Variants in PTPRG observed in about 807,000 individuals in gnomAD.
PTPRG encodes the protein receptor-type tyrosine-protein phosphatase gamma.
A neutral mutation model predicts 165.3 loss-of-function variants in PTPRG; 102 were observed. The observed-to-expected ratio is 0.62, with a 90% confidence interval of 0.53 to 0.73. The LOEUF (loss-of-function observed/expected upper bound fraction) is 0.73. PTPRG is among the 30% of genes least tolerant of loss of function. The pLI is 0.00. For missense variants in PTPRG, 1,866 were observed against 1,861.4 expected (o/e 1.00, Z -0.05); for synonymous variants, 675 against 669.5 (o/e 1.01, Z -0.13).
chr3:61,754,825 G>T (rs751315084), intron 2 of PTPRG, among the ~76,000 whole-genome samples: 32 of 152,140 alleles, frequency 2.1e-4, no homozygotes, highest in Non-Finnish European at 4.3e-4. Flanking sequence ...CGTGCCTGCA[G>T]AATTCAGCTT....
At chr3:61,797,779 T>G (rs1038992091) in intron 2 of PTPRG, among the ~76,000 whole-genome samples, 1 of 152,024 alleles carries the variant, frequency 6.6e-6, no homozygotes, top group African/African-American at 2.4e-5. Flanking sequence ...GAGTGTGGTG[T>G]GGAGAAGGAG....
chr3:61,917,789 C>T (rs1301885502), intron 2 of PTPRG, among the ~76,000 whole-genome samples: 3 of 152,002 alleles, frequency 2.0e-5, no homozygotes, highest in Non-Finnish European at 4.4e-5. Flanking sequence ...AAACATTATC[C>T]GGGTGTGGTG....
At chr3:61,702,103 G>T (rs966254478) in intron 1 of PTPRG, among the ~76,000 whole-genome samples, 2 of 152,040 alleles carry the variant, frequency 1.3e-5, no homozygotes, top group Non-Finnish European at 2.9e-5. Flanking sequence ...CTCAGCCTCT[G>T]GGGTAGCTAG....
chr3:61,990,848 ACTTAGCT>A (rs1490427424), intron 3 of PTPRG, among the ~76,000 whole-genome samples: 5 of 150,000 alleles, frequency 3.3e-5, no homozygotes, highest in African/African-American at 1.2e-4. Context: ...GGCTAAAATG[ACTTAGCT>A]CCTAGCCCTT....
chr3:61,619,029 C>A (rs915641381), intron 1 of PTPRG, among the ~76,000 whole-genome samples: 1 of 149,566 alleles, frequency 6.7e-6, no homozygotes, highest in Non-Finnish European at 1.5e-5. Context: ...TGTTGGTGCG[C>A]ATCTGTGGTC....
intron 2 of PTPRG, among the ~76,000 whole-genome samples, chr3:61,796,252 G>T (rs2035040827): frequency 6.6e-6 from 1 of 152,222 alleles, no homozygotes; most frequent in South Asian, 2.1e-4. Context: ...TCCACACGCA[G>T]ATAACTCGTT....
chr3:61,937,136 G>T (rs867160040), intron 2 of PTPRG, among the ~76,000 whole-genome samples: 9 of 152,184 alleles, frequency 5.9e-5, no homozygotes, highest in African/African-American at 1.9e-4. Context: ...AATCACTGGG[G>T]ATATTCAGTT....
At chr3:62,103,110 A>G (rs1702347253) in intron 5 of PTPRG, among the ~76,000 whole-genome samples, 1 of 150,624 alleles carries the variant, frequency 6.6e-6, no homozygotes. Context: ...TAAAATAGAC[A>G]TTTTTTCCTA....
intron 8 of PTPRG, among the ~76,000 whole-genome samples, chr3:62,183,948 G>A (rs186176629): frequency 1.8e-4 from 27 of 152,294 alleles, no homozygotes; most frequent in East Asian, 7.7e-4. Flanking sequence ...AAACAGTTAC[G>A]GGACGTGTAT....
chr3:62,208,310 CA>C (rs1428319979), intron 12 of PTPRG, among the ~76,000 whole-genome samples: 1 of 152,158 alleles, frequency 6.6e-6, no homozygotes, highest in Non-Finnish European at 1.5e-5. Flanking sequence ...CCAACTGATG[CA>C]ATGAAATGTT....
At chr3:61,682,953 T>C (rs905397836) in intron 1 of PTPRG, among the ~76,000 whole-genome samples, 1 of 152,216 alleles carries the variant, frequency 6.6e-6, no homozygotes, top group Non-Finnish European at 1.5e-5. Context: ...ATTAGCTAAA[T>C]TGTCCTTAAG....
intron 1 of PTPRG, among the ~76,000 whole-genome samples, chr3:61,692,697 C>T (rs1050166736): frequency 6.6e-6 from 1 of 151,992 alleles, no homozygotes; most frequent in Admixed American, 6.6e-5. Context: ...GCTTTTGAGC[C>T]AGGATGAGCC....
At position 62,277,526 on chromosome 3, in the gene PTPRG, ATTTTT is replaced by A; in HGVS notation, c.3637-21_3637-17del. 1.9e-6 allele frequency: 3 copies of A among 1,603,708 alleles called. 1 individual carries two copies. The South Asian group carries it at 3.3e-5, about 18-fold the overall frequency. ...TAGAATAAAACACTCATATTCACTG[ATTTTT>A]TTTGTCTTCCCAACTGAAGGGCTAT... On this transcript the variant is annotated intron_variant, in intron 25 of 29. Transcript: ENST00000474889.
At chr3:62,205,251 A>C (rs1163920250) in intron 12 of PTPRG, among the ~76,000 whole-genome samples, 1 of 152,112 alleles carries the variant, frequency 6.6e-6, no homozygotes, top group Non-Finnish European at 1.5e-5. Context: ...GAGTGAAGGA[A>C]ATGTGGGGCC....
chr3:62,103,791 G>GA (rs1242426885), intron 5 of PTPRG, among the ~76,000 whole-genome samples: 2 of 152,212 alleles, frequency 1.3e-5, no homozygotes, highest in Admixed American at 6.5e-5. Flanking sequence ...GGGTAGCCTA[G>GA]AAACTCCACC....
intron 2 of PTPRG, among the ~76,000 whole-genome samples, chr3:61,761,578 A>AAAACAAAC (rs1437544934): frequency 7.4e-6 from 1 of 135,144 alleles, no homozygotes; most frequent in East Asian, 3.4e-4. Context: ...ACTCCGCCTC[A>AAAACAAAC]AAACAAAGAA....
intron 1 of PTPRG, among the ~76,000 whole-genome samples, chr3:61,655,688 G>A (rs564670203): frequency 1.7e-4 from 26 of 152,216 alleles, no homozygotes; most frequent in Non-Finnish European, 3.2e-4. Context: ...GCTCACTCCT[G>A]GCTCACTCCT....
In PTPRG at chr3:62,255,720, A is replaced by C. The variant is rs907276402; in HGVS notation, c.2559+505A>C. On this transcript the variant is annotated intron_variant, in intron 16 of 29. Transcript: ENST00000474889. The surrounding 1 kb of genome is among the most constrained non-coding windows in gnomAD (Gnocchi z 4.0). The stretch of plus-strand genomic sequence containing the variant: ...TGGCACCAATGTCACCTACATTGTA[A>C]CGTCGTTGGAAAAATAAATGATTAA... 6.6e-6 allele frequency among the ~76,000 whole-genome samples: 1 copy of C among 152,206 alleles called. No homozygotes were observed. Among genetic ancestry groups the C allele is most frequent in the African/African-American group, 2.4e-5 (1 of 41,456 alleles).
chr3:62,255,397 G>T lies in PTPRG; in HGVS notation c.2559+182G>T, dbSNP rs943847103. ...TCCAAATAAAATTTAGGTGAAAGGG[G>T]AGTTGATTGTACCTGTCCTGAATAT... On this transcript the variant is annotated intron_variant, in intron 16 of 29. Transcript: ENST00000474889. This position sits in a 1 kb window ranked among gnomAD's most constrained non-coding sequence, Gnocchi z 4.0. 2.6e-5 allele frequency among the ~76,000 whole-genome samples: 4 copies of T among 151,816 alleles called. No individual in the cohort carries two copies. The highest frequency in any genetic ancestry group is 5.9e-5 in the Non-Finnish European group (4 of 68,032).
Sources: gnomAD v4.1 joint callset for allele counts (sites outside exome capture counted in the v4.1 genomes callset) on GRCh38, gnomAD v4.1.1 for gene constraint, Gnocchi (gnomAD v3.1) non-coding constraint, MANE v1.5 for transcripts, NCBI Gene and HGNC (gene_info 2026-07-23, HGNC 2026-07-21) for gene names.